PPFIA2: variants seen among roughly 807,000 people sequenced by gnomAD.
PPFIA2 encodes liprin-alpha-2.
Under a neutral mutation model 175.5 loss-of-function variants are expected in PPFIA2, and 46 were observed. That is an observed-to-expected ratio of 0.26 (90% confidence interval 0.21 to 0.34). PPFIA2 has a LOEUF of 0.34. Among genes scored for constraint, PPFIA2 ranks in the 10% least tolerant of loss-of-function variants. The pLI is 1.00. For synonymous variants in PPFIA2, 568 were observed against 511.4 expected, an observed-to-expected ratio of 1.11 and a Z score of -1.49; for missense variants, 1,179 against 1,506.1, an observed-to-expected ratio of 0.78 and a Z score of 3.60.
chr12:81,721,359 T>C (rs368758351), intron 3 of PPFIA2, among the ~76,000 whole-genome samples: 20 of 151,348 alleles, frequency 1.3e-4, no homozygotes, highest in African/African-American at 4.1e-4. Context: ...TAAACTCCAA[T>C]TGGGAAGGGA....
intron 11 of PPFIA2, among the ~76,000 whole-genome samples, chr12:81,369,838 G>T (rs1476966167): frequency 6.6e-6 from 1 of 151,708 alleles, no homozygotes; most frequent in Non-Finnish European, 1.5e-5. Flanking sequence ...TTAATAGACA[G>T]AATTTTATGT....
intron 4 of PPFIA2, among the ~76,000 whole-genome samples, chr12:81,537,269 C>A (rs540237569): frequency 1.3e-5 from 2 of 151,752 alleles, no homozygotes; most frequent in Non-Finnish European, 2.9e-5. Flanking sequence ...AGTATTTAGA[C>A]ATTTGACTTT....
At chr12:81,520,331 C>A (rs1180281162) in intron 4 of PPFIA2, among the ~76,000 whole-genome samples, 1 of 152,138 alleles carries the variant, frequency 6.6e-6, no homozygotes, top group East Asian at 1.9e-4. Context: ...CATGAGATTT[C>A]ATCACACTAC....
chr12:81,747,766 G>A lies in PPFIA2; in HGVS notation c.249+6207C>T, dbSNP rs2083253959. ...AGGTAGTATGCATTCAGAATAAAAG[G>A]GCTGTCAGGGCATAATCTGTTGCTC... On this transcript the variant is annotated intron_variant, in intron 3 of 32. Coordinates refer to ENST00000549396, the MANE Select transcript of PPFIA2 (RefSeq NM_003625.5). Among the ~76,000 whole-genome samples, 2 of 143,652 alleles carry A rather than the reference G, an allele frequency of 1.4e-5. 1 individual carries two copies. The highest frequency in any genetic ancestry group is 3.1e-5 in the Non-Finnish European group (2 of 64,108). The allele number at this position is 143,652 out of a possible 152,430, so 94.2% of individuals were successfully genotyped here.
At position 81,408,948 on chromosome 12, in the gene PPFIA2, T is replaced by C. The variant is rs115854603; in HGVS notation, c.646-3045A>G. 3.5e-3 allele frequency among the ~76,000 whole-genome samples: 535 copies of C among 152,312 alleles called. 3 individuals are homozygous for C. Among genetic ancestry groups the C allele is most frequent in the African/African-American group, 0.012 (503 of 41,568 alleles). On this transcript the variant is annotated intron_variant, in intron 7 of 32. Transcript: ENST00000549396. ...GTGGGTGTTAATAAGTGGATTATTT[T>C]TGACACTGGGGAAAGGGGGAAAGTT...
intron 4 of PPFIA2, among the ~76,000 whole-genome samples, chr12:81,517,311 C>T (rs548876492): frequency 6.6e-6 from 1 of 152,218 alleles, no homozygotes; most frequent in East Asian, 1.9e-4. Flanking sequence ...AGGAGAATTA[C>T]TGTCTCTTCC....
At chr12:81,270,237 T>A (rs1249705828) in intron 28 of PPFIA2, among the ~76,000 whole-genome samples, 1 of 152,252 alleles carries the variant, frequency 6.6e-6, no homozygotes, top group Non-Finnish European at 1.5e-5. Context: ...TAACCTTGCA[T>A]TATTAATGTC....
chr12:81,639,795 G>T (rs992610748), intron 4 of PPFIA2, among the ~76,000 whole-genome samples: 1 of 151,874 alleles, frequency 6.6e-6, no homozygotes, highest in Non-Finnish European at 1.5e-5. Flanking sequence ...CATTGATATC[G>T]CAATACTAAA....
intron 6 of PPFIA2, among the ~76,000 whole-genome samples, chr12:81,442,897 ATAGT>A (rs1283457086): frequency 3.8e-5 from 4 of 104,980 alleles, no homozygotes; most frequent in African/African-American, 1.5e-4. Flanking sequence ...ATATATATAT[ATAGT>A]ATTACTTGTT....
intron 22 of PPFIA2, among the ~76,000 whole-genome samples, chr12:81,305,614 C>T (rs2048948784): frequency 6.6e-6 from 1 of 152,114 alleles, no homozygotes; most frequent in South Asian, 2.1e-4. Flanking sequence ...TCAATTCATA[C>T]CATTCAAATT....
intron 8 of PPFIA2, among the ~76,000 whole-genome samples, chr12:81,387,268 G>A (rs759108783): frequency 2.0e-5 from 3 of 151,992 alleles, no homozygotes; most frequent in Non-Finnish European, 2.9e-5. Context: ...TTATTTTAAT[G>A]TGACACTGAT....
intron 4 of PPFIA2, among the ~76,000 whole-genome samples, chr12:81,606,721 C>A (rs2060361565): frequency 1.3e-5 from 2 of 152,042 alleles, no homozygotes; most frequent in South Asian, 2.1e-4. Flanking sequence ...AGACCTCTGT[C>A]AGACACATAG....
chr12:81,349,559 C>A (rs1322052274), intron 17 of PPFIA2, among the ~76,000 whole-genome samples: 3 of 151,890 alleles, frequency 2.0e-5, no homozygotes, highest in African/African-American at 4.8e-5. Context: ...CTATCTTCAC[C>A]CTCAAAAAAT....
chr12:81,752,397 T>C (rs2083938972), intron 3 of PPFIA2, among the ~76,000 whole-genome samples: 1 of 152,158 alleles, frequency 6.6e-6, no homozygotes, highest in South Asian at 2.1e-4. Context: ...TGAAGAGCAA[T>C]TGCAAAGACT....
intron 5 of PPFIA2, among the ~76,000 whole-genome samples, chr12:81,453,877 T>C (rs948671401): frequency 1.3e-5 from 2 of 152,122 alleles, no homozygotes. Context: ...ACATAGCAGA[T>C]TGACTTTCCA....
At chr12:81,598,102 A>T in intron 4 of PPFIA2, 1 of 1,530,824 alleles carries the variant, frequency 6.5e-7, no homozygotes, top group Non-Finnish European at 8.7e-7. Flanking sequence ...GCGTACAGAT[A>T]AATCCGTGCA....
intron 16 of PPFIA2, among the ~76,000 whole-genome samples, chr12:81,353,802 C>T (rs999049949): frequency 1.5e-4 from 23 of 152,032 alleles, no homozygotes; most frequent in Non-Finnish European, 3.2e-4. Context: ...TTATTTACAT[C>T]GATTCTAACA....
intron 4 of PPFIA2, among the ~76,000 whole-genome samples, chr12:81,514,273 T>G (rs2062139649): frequency 6.6e-6 from 1 of 151,956 alleles, no homozygotes; most frequent in Non-Finnish European, 1.5e-5. Flanking sequence ...GAACATCTAC[T>G]GATGTTAGCA....
chr12:81,562,840 C>CT (rs1839089042), intron 4 of PPFIA2, among the ~76,000 whole-genome samples: 1 of 68,034 alleles, frequency 1.5e-5, no homozygotes, highest in South Asian at 6.4e-4. Context: ...GAGCGAGACT[C>CT]TGTCTCAAAA....
Sources: allele counts gnomAD v4.1 joint callset (sites outside exome capture counted in the v4.1 genomes callset), GRCh38; gene constraint gnomAD v4.1.1; transcripts MANE v1.5; gene names NCBI Gene and HGNC (gene_info 2026-07-23, HGNC 2026-07-21).